Variants in MMP26 observed in about 807,000 individuals in gnomAD.
MMP26 encodes the protein matrix metalloproteinase-26.
A neutral mutation model predicts 31.0 loss-of-function variants in MMP26; 33 were observed. The ratio of observed to expected loss-of-function variants is 1.06; its 90% CI spans 0.81 to 1.42. The LOEUF (loss-of-function observed/expected upper bound fraction) is 1.42, where lower values mean the gene tolerates loss of function less well. MMP26 is among the 40% of genes most tolerant of loss of function. The probability of loss-of-function intolerance (pLI) is 0.00; values close to 1 mark genes in which losing one functional copy is unlikely to be tolerated. For synonymous variants in MMP26, 122 were observed against 114.9 expected (o/e 1.06, Z -0.40); for missense variants, 347 against 316.1 (o/e 1.10, Z -0.74).
chr11:4,840,376 C>T (rs1043637952), intron 2 of MMP26, among the ~76,000 whole-genome samples: 2 of 152,156 alleles, frequency 1.3e-5, no homozygotes, highest in African/African-American at 4.8e-5. Flanking sequence ...GGGTGAGATC[C>T]AGTGGTGTGC....
intron 2 of MMP26, among the ~76,000 whole-genome samples, chr11:4,802,953 T>C (rs1055293784): frequency 8.5e-5 from 13 of 152,218 alleles, no homozygotes; most frequent in Admixed American, 8.5e-4. Flanking sequence ...ATATTTTGTT[T>C]TTATAAGGCA....
At chr11:4,883,927 A>G (rs752168786) in intron 2 of MMP26, among the ~76,000 whole-genome samples, 17 of 152,138 alleles carry the variant, frequency 1.1e-4, no homozygotes, top group Non-Finnish European at 2.4e-4. Context: ...CCAAGCAGTT[A>G]CTCTGATTTG....
chr11:4,859,267 C>A (rs1850106772), intron 2 of MMP26, among the ~76,000 whole-genome samples: 1 of 152,020 alleles, frequency 6.6e-6, no homozygotes, highest in Non-Finnish European at 1.5e-5. Flanking sequence ...AAATGATAAC[C>A]AAGGGTGAAA....
At position 4,723,776 on chromosome 11, in the gene MMP26, G is replaced by A. The variant is rs902008671; in HGVS notation, c.-217+18731G>A. The A allele has an allele frequency of 3.2e-5, 49 of 1,532,968 alleles. No homozygotes were observed. In the South Asian group the frequency reaches 4.0e-4, roughly 13 times the overall value. The allele number at this position is 1,532,968 out of a possible 1,614,324, so 95.0% of individuals were successfully genotyped here. ...TCGAACATGTTGTCCATGTTGCTCCGAGCTGTCTTCTGCTGCTGCAGGAGG... is the reference window on the plus strand; with the variant it reads ...TCGAACATGTTGTCCATGTTGCTCCAAGCTGTCTTCTGCTGCTGCAGGAGG... On this transcript the variant is annotated intron_variant, in intron 1 of 7. Coordinates refer to ENST00000380390, the MANE Select transcript of MMP26 (RefSeq NM_021801.5).
chr11:4,842,726 A>T (rs1472531636), intron 2 of MMP26, among the ~76,000 whole-genome samples: 5 of 152,078 alleles, frequency 3.3e-5, no homozygotes, highest in Non-Finnish European at 5.9e-5. Context: ...ACATTTCAAA[A>T]CACAATCCTG....
At position 4,797,331 on chromosome 11, in the gene MMP26, T is replaced by C. The variant is rs538161426; in HGVS notation, c.-145+29990T>C. ...AACCAGCTTCATAAAGTTCTGTTGG[T>C]AACTCGAGCCACATCCCAGTTGGCC... On this transcript the variant is annotated intron_variant, in intron 2 of 7. Transcript: ENST00000380390. Among the ~76,000 whole-genome samples, 6 of 152,320 alleles carry C rather than the reference T, an allele frequency of 3.9e-5. No individual in the cohort carries two copies. In the South Asian group the frequency reaches 1.2e-3, roughly 32 times the overall value.
intron 2 of MMP26, among the ~76,000 whole-genome samples, chr11:4,971,177 C>A (rs1846661061): frequency 6.6e-6 from 1 of 152,282 alleles, no homozygotes; most frequent in East Asian, 1.9e-4. Flanking sequence ...CAAGACAGAG[C>A]CAGGAAGAAA....
chr11:4,852,826 G>A (rs748113579), intron 2 of MMP26, among the ~76,000 whole-genome samples: 3 of 152,108 alleles, frequency 2.0e-5, no homozygotes, highest in Non-Finnish European at 4.4e-5. Flanking sequence ...GTTCATTGAT[G>A]TACGAAGAGG....
chr11:4,815,294 A>G (rs1849405807), intron 2 of MMP26, among the ~76,000 whole-genome samples: 1 of 152,054 alleles, frequency 6.6e-6, no homozygotes, highest in African/African-American at 2.4e-5. Flanking sequence ...TTTTTTCCAC[A>G]CCTGTGAAGA....
intron 1 of MMP26, among the ~76,000 whole-genome samples, chr11:4,751,540 C>T (rs894208137): frequency 3.3e-5 from 5 of 151,836 alleles, no homozygotes; most frequent in African/African-American, 9.7e-5. Flanking sequence ...TTGAAGAAGT[C>T]GTAAGCAGAC....
At chr11:4,780,917 A>G (rs1248277397) in intron 2 of MMP26, among the ~76,000 whole-genome samples, 2 of 151,878 alleles carry the variant, frequency 1.3e-5, no homozygotes, top group African/African-American at 4.8e-5. Context: ...GTAAATTTAC[A>G]TATTTAATTA....
chr11:4,713,363 C>A (rs1004089659), intron 1 of MMP26, among the ~76,000 whole-genome samples: 3 of 152,152 alleles, frequency 2.0e-5, no homozygotes, highest in Non-Finnish European at 4.4e-5. Flanking sequence ...CCCACACTGG[C>A]ACCCAGGGTT....
chr11:4,896,719 G>T (rs1340847240), intron 2 of MMP26, among the ~76,000 whole-genome samples: 1 of 152,000 alleles, frequency 6.6e-6, no homozygotes, highest in Non-Finnish European at 1.5e-5. Flanking sequence ...TTTACACATG[G>T]TAAGATGGAT....
At chr11:4,937,971 C>A (rs1453287452) in intron 2 of MMP26, 1 of 152,076 alleles carries the variant, frequency 6.6e-6, no homozygotes, top group Admixed American at 6.5e-5. Context: ...TGACTGTAAA[C>A]AGATGGATAA....
intron 1 of MMP26, chr11:4,718,762 A>T (rs1370473497): frequency 6.3e-6 from 1 of 157,490 alleles, no homozygotes; most frequent in Non-Finnish European, 1.4e-5. Context: ...CCTCTTTGCC[A>T]TCGTTACTCA....
intron 2 of MMP26, among the ~76,000 whole-genome samples, chr11:4,797,980 T>C (rs971493541): frequency 1.3e-5 from 2 of 152,234 alleles, no homozygotes; most frequent in African/African-American, 4.8e-5. Flanking sequence ...TGTTTCCTCA[T>C]CTACAAAGTG....
intron 2 of MMP26, among the ~76,000 whole-genome samples, chr11:4,887,020 C>A (rs1850554726): frequency 6.6e-6 from 1 of 151,838 alleles, no homozygotes; most frequent in African/African-American, 2.4e-5. Context: ...TATAGGTTTT[C>A]ATTATTCCTC....
chr11:4,894,709 G>C (rs1850675953), intron 2 of MMP26, among the ~76,000 whole-genome samples: 1 of 152,148 alleles, frequency 6.6e-6, no homozygotes, highest in African/African-American at 2.4e-5. Context: ...CAGATCAGGA[G>C]GTAAAGAAGG....
At chr11:4,920,219 C>T (rs1851162774) in intron 2 of MMP26, among the ~76,000 whole-genome samples, 2 of 152,206 alleles carry the variant, frequency 1.3e-5, no homozygotes, top group South Asian at 4.1e-4. Flanking sequence ...GCCTTCTTCT[C>T]TTGGGTTCTA....
Sources: allele counts gnomAD v4.1 joint callset (sites outside exome capture counted in the v4.1 genomes callset), GRCh38; gene constraint gnomAD v4.1.1; transcripts MANE v1.5; gene names NCBI Gene and HGNC (gene_info 2026-07-23, HGNC 2026-07-21).